OCA2: variants seen among roughly 807,000 people sequenced by gnomAD.
The protein encoded by OCA2 is P protein.
Under a neutral mutation model 100.2 loss-of-function variants are expected in OCA2, and 77 were observed. The observed-to-expected ratio is 0.77, with a 90% CI of 0.64 to 0.93. The LOEUF (loss-of-function observed/expected upper bound fraction) is 0.93. OCA2 is among the 40% of genes least tolerant of loss of function. The pLI, the probability that OCA2 is intolerant of heterozygous loss-of-function variation, is 0.00. For synonymous variants in OCA2, 432 were observed against 439.2 expected, an observed-to-expected ratio of 0.98 and a Z score of 0.21; for missense variants, 1,062 against 1,089.1, an observed-to-expected ratio of 0.98 and a Z score of 0.35.
intron 23 of OCA2, among the ~76,000 whole-genome samples, chr15:27,782,927 T>C (rs890622678): frequency 6.6e-6 from 1 of 152,230 alleles, no homozygotes; most frequent in South Asian, 2.1e-4. Context: ...ATGTCACGTG[T>C]GTGATTCCAA....
chr15:27,747,811 T>C, the OCA2 span, among the ~76,000 whole-genome samples: 1 of 152,226 alleles, frequency 6.6e-6, no homozygotes, highest in South Asian at 2.1e-4. Flanking sequence ...ATGAGAATTT[T>C]GATCTGGAAA....
At position 28,018,556 on chromosome 15, in the gene OCA2, G is replaced by A. The variant is rs886051026; in HGVS notation, c.648C>T (p.Ser216=). The A allele has an allele frequency of 2.2e-5, 35 of 1,612,114 alleles. No individual in the cohort carries two copies. Among genetic ancestry groups the A allele is most frequent in the East Asian group, 1.1e-4 (5 of 44,838 alleles). ...LLALSPLENY[S]VNLSSHVDST... ...AGTCCACGTGGCTGCTAAGGTTCACGGCTCGGAGAGTGTCAAGGAGAACCA... is the reference window on the plus strand; with the variant it reads ...AGTCCACGTGGCTGCTAAGGTTCACAGCTCGGAGAGTGTCAAGGAGAACCA... The change falls in exon 7 of 24, where the codon TCC becomes TCT. Residue 216 remains serine, a splice_region_variant and synonymous_variant. Transcript: ENST00000354638.
chr15:27,897,211 T>A (rs1027515263), intron 19 of OCA2, among the ~76,000 whole-genome samples: 4 of 151,808 alleles, frequency 2.6e-5, no homozygotes, highest in African/African-American at 9.7e-5. Context: ...AAAAGAAATC[T>A]TCTTGGCAGC....
intron 23 of OCA2, among the ~76,000 whole-genome samples, chr15:27,836,170 C>T (rs185861077): frequency 9.2e-5 from 14 of 152,284 alleles, no homozygotes; most frequent in Admixed American, 7.2e-4. Flanking sequence ...CAAATCTACC[C>T]ACATGGCATT....
chr15:27,860,437 C>A (rs1439032686), intron 21 of OCA2, among the ~76,000 whole-genome samples: 2 of 152,216 alleles, frequency 1.3e-5, no homozygotes, highest in Non-Finnish European at 2.9e-5. Flanking sequence ...AGTTTTTCAA[C>A]CCTCGTCCTC....
intron 23 of OCA2, among the ~76,000 whole-genome samples, chr15:27,822,270 T>C (rs1223452621): frequency 3.3e-5 from 5 of 152,352 alleles, no homozygotes. Flanking sequence ...TATTTGTACT[T>C]TATGTAATTA....
chr15:27,767,768 C>A (rs73370371), intron 23 of OCA2, among the ~76,000 whole-genome samples: 15,463 of 152,046 alleles, frequency 0.1, 1,454 homozygotes, highest in African/African-American at 0.24. Flanking sequence ...TGGGTGGGGA[C>A]AAATAAGCAA....
intron 16 of OCA2, 117 bp from the exon 17 acceptor site, chr15:27,955,332 G>A: frequency 2.5e-6 from 2 of 800,874 alleles, no homozygotes; most frequent in South Asian, 1.4e-5. Context: ...GAGCCTGGCT[G>A]GCAGGACTAG....
At chr15:27,786,796 C>T (rs930276058) in intron 23 of OCA2, among the ~76,000 whole-genome samples, 1 of 152,060 alleles carries the variant, frequency 6.6e-6, no homozygotes, top group Non-Finnish European at 1.5e-5. Context: ...GTCTTTATTT[C>T]TTTTTCTTAT....
At chr15:27,956,928 C>T (rs574632131) in intron 16 of OCA2, among the ~76,000 whole-genome samples, 1 of 152,320 alleles carries the variant, frequency 6.6e-6, no homozygotes, top group Non-Finnish European at 1.5e-5. Flanking sequence ...GTTCACATTT[C>T]CCCTTGCCTA....
the OCA2 span, among the ~76,000 whole-genome samples, chr15:27,733,759 T>A: frequency 2.0e-5 from 3 of 152,140 alleles, no homozygotes; most frequent in African/African-American, 7.2e-5. Flanking sequence ...GCCATAAAAT[T>A]GAATGTCTCC....
chr15:28,009,906 G>A (rs1296608984), intron 9 of OCA2, among the ~76,000 whole-genome samples: 1 of 152,122 alleles, frequency 6.6e-6, no homozygotes, highest in African/African-American at 2.4e-5. Flanking sequence ...AAGAATTAGA[G>A]AGAACTAACT....
chr15:28,061,959 C>A (rs1469695215), intron 2 of OCA2, among the ~76,000 whole-genome samples: 1 of 152,166 alleles, frequency 6.6e-6, no homozygotes, highest in Non-Finnish European at 1.5e-5. Context: ...TTTTGTTTAT[C>A]CATTCATGAA....
At chr15:27,787,530 G>C (rs915415492) in intron 23 of OCA2, among the ~76,000 whole-genome samples, 2 of 151,860 alleles carry the variant, frequency 1.3e-5, no homozygotes, top group African/African-American at 4.8e-5. Context: ...ATTTGTTAGC[G>C]TAACATTGTT....
intron 23 of OCA2, among the ~76,000 whole-genome samples, chr15:27,817,581 G>A (rs571988134): frequency 6.6e-6 from 1 of 151,950 alleles, no homozygotes; most frequent in African/African-American, 2.4e-5. Context: ...CCAACCAATC[G>A]ACCACTCCAA....
chr15:28,019,809 G>C (rs534100775), intron 6 of OCA2, among the ~76,000 whole-genome samples: 1 of 152,126 alleles, frequency 6.6e-6, no homozygotes, highest in African/African-American at 2.4e-5. Context: ...TCACCTTGTG[G>C]GGGGCAGGGT....
chr15:27,801,317 G>A (rs1294537859), intron 23 of OCA2, among the ~76,000 whole-genome samples: 1 of 152,066 alleles, frequency 6.6e-6, no homozygotes, highest in Non-Finnish European at 1.5e-5. Flanking sequence ...ACTTTGGGAG[G>A]CCAAGGTGGG....
chr15:27,724,232 A>T, the OCA2 span, among the ~76,000 whole-genome samples: 46,095 of 152,064 alleles, frequency 0.3, 8,438 homozygotes, highest in Non-Finnish European at 0.41. Context: ...ATTGTCTCAC[A>T]ATTCTGGAGG....
intron 23 of OCA2, among the ~76,000 whole-genome samples, chr15:27,784,525 C>A (rs1047550586): frequency 2.0e-5 from 3 of 152,132 alleles, no homozygotes; most frequent in Non-Finnish European, 4.4e-5. Context: ...TGAAACCAGA[C>A]TCAGGTATGA....
Sources: gnomAD v4.1 joint callset for allele counts (sites outside exome capture counted in the v4.1 genomes callset) on GRCh38, gnomAD v4.1.1 for gene constraint, MANE v1.5 for transcripts, NCBI Gene and HGNC (gene_info 2026-07-23, HGNC 2026-07-21) for gene names.